Variants in ANKS1B observed in about 807,000 individuals in gnomAD.
The protein encoded by ANKS1B is ankyrin repeat and sterile alpha motif domain containing 1B, also known as ankyrin repeat and sterile alpha motif domain-containing protein 1B.
Under a neutral mutation model 148.3 loss-of-function variants are expected in ANKS1B, and 36 were observed. The observed-to-expected ratio is 0.24, with a 90% CI of 0.19 to 0.32. The LOEUF (loss-of-function observed/expected upper bound fraction) is 0.32, where lower values mean the gene tolerates loss of function less well. Ranked by LOEUF, ANKS1B falls within the 10% of genes least tolerant of loss-of-function variation. The probability of loss-of-function intolerance (pLI) is 1.00; values close to 1 mark genes in which losing one functional copy is unlikely to be tolerated. For missense variants in ANKS1B, 1,157 were observed against 1,542.6 expected (o/e 0.75, Z 4.19); for synonymous variants, 542 against 560.8 (o/e 0.97, Z 0.47).
chr12:99,731,278 C>G (rs945926025), intron 8 of ANKS1B, among the ~76,000 whole-genome samples: 6 of 152,226 alleles, frequency 3.9e-5, no homozygotes, highest in African/African-American at 1.4e-4. Context: ...GCCACCACAC[C>G]CAGATAATTT....
intron 11 of ANKS1B, 80 bp from the exon 12 acceptor site, chr12:99,399,891 G>A (rs1454963370): frequency 7.0e-7 from 1 of 1,430,454 alleles, no homozygotes; most frequent in African/African-American, 1.4e-5. Context: ...TTTAATCTAA[G>A]TGATAATTTT....
At chr12:98,759,506 T>C (rs2098348317) in intron 25 of ANKS1B, among the ~76,000 whole-genome samples, 1 of 152,130 alleles carries the variant, frequency 6.6e-6, no homozygotes, top group Admixed American at 6.5e-5. Context: ...CGGTCTAGTA[T>C]GAGAAAAATT....
At chr12:99,131,732 T>C (rs1385275127) in intron 15 of ANKS1B, among the ~76,000 whole-genome samples, 1 of 152,200 alleles carries the variant, frequency 6.6e-6, no homozygotes, top group Admixed American at 6.5e-5. Context: ...AGCCTTTCTT[T>C]TTCTTAGCTA....
At chr12:99,189,660 T>A (rs1324762258) in intron 14 of ANKS1B, among the ~76,000 whole-genome samples, 2 of 152,136 alleles carry the variant, frequency 1.3e-5, no homozygotes, top group Non-Finnish European at 2.9e-5. Flanking sequence ...ATCTAAAAAC[T>A]CAATAAGCTA....
intron 8 of ANKS1B, among the ~76,000 whole-genome samples, chr12:99,742,400 A>T (rs991608193): frequency 2.2e-4 from 33 of 152,298 alleles, no homozygotes; most frequent in African/African-American, 6.7e-4. Context: ...ATAATTTTTT[A>T]AAAAATCTAG....
chr12:98,929,440 A>G (rs1226840025), intron 17 of ANKS1B, among the ~76,000 whole-genome samples: 1 of 151,998 alleles, frequency 6.6e-6, no homozygotes, highest in Non-Finnish European at 1.5e-5. Flanking sequence ...TAAAATTCAC[A>G]TGGAAATGCA....
intron 24 of ANKS1B, among the ~76,000 whole-genome samples, chr12:98,776,672 A>G (rs1319378384): frequency 3.9e-5 from 6 of 152,198 alleles, no homozygotes; most frequent in Admixed American, 3.9e-4. Flanking sequence ...TCGCCACTGC[A>G]TTCAATCTGA....
At chr12:98,914,261 G>C (rs190215026) in intron 17 of ANKS1B, among the ~76,000 whole-genome samples, 13 of 152,122 alleles carry the variant, frequency 8.5e-5, no homozygotes, top group Admixed American at 3.9e-4. Flanking sequence ...CACCTTTTCA[G>C]CCATGATTGT....
At chr12:99,433,813 AG>A (rs2095417669) in intron 11 of ANKS1B, among the ~76,000 whole-genome samples, 2 of 152,144 alleles carry the variant, frequency 1.3e-5, no homozygotes, top group East Asian at 3.9e-4. Flanking sequence ...GACTGAGAAT[AG>A]GTCTGAGGAT....
chr12:99,367,127 A>C (rs1024629610), intron 12 of ANKS1B, among the ~76,000 whole-genome samples: 3 of 152,264 alleles, frequency 2.0e-5, no homozygotes, highest in Admixed American at 2.0e-4. Flanking sequence ...TTGCCAAAAA[A>C]CGTGGGGAGA....
At chr12:99,626,222 C>A (rs1442212478) in intron 9 of ANKS1B, among the ~76,000 whole-genome samples, 2 of 152,214 alleles carry the variant, frequency 1.3e-5, no homozygotes, top group Non-Finnish European at 1.5e-5. Context: ...CATTTAAGAG[C>A]AAATTACAAA....
intron 6 of ANKS1B, among the ~76,000 whole-genome samples, chr12:99,778,341 C>G (rs1468356416): frequency 6.6e-6 from 1 of 152,014 alleles, no homozygotes; most frequent in Non-Finnish European, 1.5e-5. Flanking sequence ...AACCCCCTCT[C>G]TACTAAAAAT....
intron 17 of ANKS1B, among the ~76,000 whole-genome samples, chr12:99,009,095 C>T (rs934299432): frequency 1.3e-5 from 2 of 152,322 alleles, no homozygotes; most frequent in Middle Eastern, 3.4e-3. Context: ...CCAATGCTAA[C>T]TGTCATTCCT....
chr12:99,601,648 C>T (rs751314240), intron 9 of ANKS1B, among the ~76,000 whole-genome samples: 4 of 152,020 alleles, frequency 2.6e-5, no homozygotes, highest in African/African-American at 9.7e-5. Context: ...AAAAGCATAA[C>T]AGGTTTATTT....
intron 25 of ANKS1B, among the ~76,000 whole-genome samples, chr12:98,759,203 G>A (rs1249676315): frequency 6.6e-6 from 1 of 152,200 alleles, no homozygotes. Context: ...GCAAGCTGAA[G>A]ATATGCAGGT....
At chr12:99,529,910 T>C (rs1596423284) in intron 9 of ANKS1B, among the ~76,000 whole-genome samples, 1 of 152,368 alleles carries the variant, frequency 6.6e-6, no homozygotes, top group East Asian at 1.9e-4. Flanking sequence ...CTCTAAGTGA[T>C]AATATTAGGA....
chr12:99,413,918 C>A (rs915031832), intron 11 of ANKS1B, among the ~76,000 whole-genome samples: 8 of 152,016 alleles, frequency 5.3e-5, no homozygotes, highest in African/African-American at 1.7e-4. Flanking sequence ...TCACCCGGTG[C>A]ACCACCCTCG....
intron 1 of ANKS1B, among the ~76,000 whole-genome samples, chr12:99,838,832 T>G (rs1020669502): frequency 9.9e-5 from 15 of 152,144 alleles, no homozygotes; most frequent in Admixed American, 9.8e-4. Flanking sequence ...TCAATACCAC[T>G]TTAAAATAAT....
At chr12:99,755,613 AC>A (rs1409817172) in intron 8 of ANKS1B, among the ~76,000 whole-genome samples, 9 of 132,682 alleles carry the variant, frequency 6.8e-5, no homozygotes, top group African/African-American at 8.5e-5. Flanking sequence ...AAAAAAAAAA[AC>A]TGACAAGCTG....
Sources: gnomAD v4.1 joint callset for allele counts (sites outside exome capture counted in the v4.1 genomes callset) on GRCh38, gnomAD v4.1.1 for gene constraint, MANE v1.5 for transcripts, NCBI Gene and HGNC (gene_info 2026-07-23, HGNC 2026-07-21) for gene names.